SNX27: variants seen among roughly 807,000 people sequenced by gnomAD.
The protein encoded by SNX27 is sorting nexin 27, also known as sorting nexin-27.
In SNX27, 22 loss-of-function variants were observed where a neutral mutation model predicts 71.6. That is an observed-to-expected ratio of 0.31 (90% CI 0.22 to 0.44). SNX27 has a LOEUF of 0.44. Ranked by LOEUF, SNX27 falls within the 20% of genes least tolerant of loss-of-function variation. The pLI is 1.00. For synonymous variants in SNX27, 269 were observed against 277.2 expected, an observed-to-expected ratio of 0.97 and a Z score of 0.29; for missense variants, 531 against 698.6, an observed-to-expected ratio of 0.76 and a Z score of 2.70.
chr1:151,688,052 G>C (rs894165657), intron 8 of SNX27, among the ~76,000 whole-genome samples: 2 of 151,290 alleles, frequency 1.3e-5, no homozygotes, highest in Non-Finnish European at 2.9e-5. Flanking sequence ...TACTATACCT[G>C]TCCAATTCTC....
chr1:151,661,662 C>T (rs1669969850), intron 4 of SNX27: 1 of 152,278 alleles, frequency 6.6e-6, no homozygotes, highest in Non-Finnish European at 1.5e-5. Flanking sequence ...GGGCATCAGG[C>T]TAACTTTGAA....
intron 1 of SNX27, among the ~76,000 whole-genome samples, chr1:151,625,481 G>A (rs1338712456): frequency 4.0e-5 from 6 of 150,956 alleles, no homozygotes; most frequent in African/African-American, 1.5e-4. Flanking sequence ...ACTCCAGCCT[G>A]GGTGACAGAG....
intron 3 of SNX27, among the ~76,000 whole-genome samples, chr1:151,659,236 TTTTTG>T (rs529877354): frequency 6.4e-4 from 97 of 151,974 alleles, no homozygotes; most frequent in African/African-American, 2.2e-3. Context: ...TGTATTGAAT[TTTTTG>T]TTTTGTTTTG....
At chr1:151,650,062 A>G (rs1669253715) in intron 2 of SNX27, among the ~76,000 whole-genome samples, 1 of 151,732 alleles carries the variant, frequency 6.6e-6, no homozygotes, top group African/African-American at 2.4e-5. Flanking sequence ...TAATTTTTGT[A>G]TTTTTACTGG....
At chr1:151,666,318 T>G (rs545007430) in intron 6 of SNX27, 539 of 220,152 alleles carry the variant, frequency 2.4e-3, no homozygotes, top group Non-Finnish European at 4.2e-3. Context: ...GGATGTTCTA[T>G]TTAGCCACAT....
At chr1:151,660,596 T>C (rs1368676842) in intron 3 of SNX27, 3 of 529,750 alleles carry the variant, frequency 5.7e-6, no homozygotes, top group Non-Finnish European at 6.8e-6. Context: ...TTCTATTATT[T>C]CTTTGTTCTG....
rs1207000867 is a variant in SNX27 at position 151,660,818 on chromosome 1, G to A, written c.757G>A (p.Gly253Ser). 2 of 1,612,562 alleles carry A rather than the reference G, an allele frequency of 1.2e-6. No individual in the cohort carries two copies. Among genetic ancestry groups the A allele is most frequent in the Non-Finnish European group, 1.7e-6 (2 of 1,178,732 alleles). Residue 253 changes from glycine (G) to serine (S), a missense_variant, in exon 4 of 12, where the codon GGT becomes AGT. By Grantham distance (56) the Gly-to-Ser change is moderately conservative. This residue lies in a region of SNX27 where 184 missense variants were observed against 289.6 expected (regional missense o/e 0.64). Transcript: ENST00000458013. ...LEKVCSIRVI[G>S]ESDIMQEFLS... ...TACAGTGTGTTCAATACGAGTAATT[G>A]GTGAGAGTGACATCATGCAGGAATT...
At chr1:151,646,270 G>C (rs2102648791) in intron 2 of SNX27, among the ~76,000 whole-genome samples, 2 of 152,140 alleles carry the variant, frequency 1.3e-5, no homozygotes, top group South Asian at 4.1e-4. Flanking sequence ...GTTTCTCATA[G>C]AAAGCTTAGA....
At chr1:151,688,533 G>A (rs1420445843) in intron 8 of SNX27, among the ~76,000 whole-genome samples, 3 of 151,434 alleles carry the variant, frequency 2.0e-5, no homozygotes, top group Non-Finnish European at 4.4e-5. Context: ...TCAGGAGGCT[G>A]AGGCAGGAGA....
intron 1 of SNX27, among the ~76,000 whole-genome samples, chr1:151,634,832 C>T (rs923274903): frequency 3.3e-5 from 5 of 152,224 alleles, no homozygotes; most frequent in Non-Finnish European, 7.4e-5. Context: ...CACCTAGATT[C>T]TATAATTACA....
At chr1:151,652,999 C>T (rs1237500149) in intron 2 of SNX27, among the ~76,000 whole-genome samples, 2 of 150,512 alleles carry the variant, frequency 1.3e-5, no homozygotes, top group African/African-American at 4.9e-5. Context: ...TCGATCTTGG[C>T]CCACTGCAAC....
intron 5 of SNX27, among the ~76,000 whole-genome samples, chr1:151,663,838 C>T (rs1027014871): frequency 1.3e-5 from 2 of 152,068 alleles, no homozygotes; most frequent in Non-Finnish European, 2.9e-5. Flanking sequence ...CACCACTGAT[C>T]TTTGATCAAA....
In SNX27 at chr1:151,641,596, C is replaced by CAGATATAT. The variant is rs1553257777; in HGVS notation, c.543+2479_543+2486dup. ...CATTCTGGTTCTACAAGTCCTTTAT[C>CAGATATAT]AGATATATATATATATATATATATA... On this transcript the variant is annotated intron_variant, in intron 2 of 11. Transcript: ENST00000458013. Among the ~76,000 whole-genome samples the CAGATATAT allele has an allele frequency of 8.5e-4, 12 of 14,194 alleles. 1 individual carries two copies. The highest frequency in any genetic ancestry group is 6.1e-3 in the Admixed American group (5 of 824). The allele number at this position is 14,194 out of a possible 152,430, so 9.3% of individuals were successfully genotyped here.
intron 7 of SNX27, among the ~76,000 whole-genome samples, chr1:151,680,717 C>T (rs545836614): frequency 1.3e-5 from 2 of 152,274 alleles, no homozygotes; most frequent in South Asian, 2.1e-4. Context: ...AAGCCTTTTC[C>T]CTGAGCTAAA....
At chr1:151,662,407 T>C in intron 5 of SNX27, 137 bp downstream of exon 5, 2 of 514,126 alleles carry the variant, frequency 3.9e-6, no homozygotes, top group Non-Finnish European at 7.0e-6. Context: ...ACTATTGTTA[T>C]TATTAATGTG....
intron 5 of SNX27, among the ~76,000 whole-genome samples, chr1:151,665,219 T>C (rs1670140339): frequency 6.6e-6 from 1 of 152,230 alleles, no homozygotes; most frequent in Non-Finnish European, 1.5e-5. Flanking sequence ...GTAATTGTCA[T>C]TTATTTGCAC....
At chr1:151,666,653 T>C (rs892756073) in intron 6 of SNX27, 2 of 152,316 alleles carry the variant, frequency 1.3e-5, no homozygotes, top group African/African-American at 4.8e-5. Context: ...TATACAGGGC[T>C]AAGGCCAAAA....
chr1:151,620,080 A>C (rs1266401882), intron 1 of SNX27, among the ~76,000 whole-genome samples: 2 of 152,210 alleles, frequency 1.3e-5, no homozygotes, highest in Admixed American at 6.5e-5. Context: ...TAGGTTGAGG[A>C]AAACTGTGAC....
At chr1:151,640,061 TAAGAA>T (rs1251682707) in intron 2 of SNX27, among the ~76,000 whole-genome samples, 1 of 152,196 alleles carries the variant, frequency 6.6e-6, no homozygotes, top group Non-Finnish European at 1.5e-5. Context: ...AGTGAAGAGA[TAAGAA>T]AAGCAAGGAA....
Sources: gnomAD v4.1 joint callset for allele counts (sites outside exome capture counted in the v4.1 genomes callset) on GRCh38, gnomAD v4.1.1 for gene constraint, gnomAD v4.1.1 regional missense constraint, MANE v1.5 for transcripts, NCBI Gene and HGNC (gene_info 2026-07-23, HGNC 2026-07-21) for gene names.